The following KCNH1 variants were observed in gnomAD, a reference collection of about 807,000 sequenced individuals.
The protein encoded by KCNH1 is voltage-gated delayed rectifier potassium channel KCNH1.
A neutral mutation model predicts 69.2 loss-of-function variants in KCNH1; 27 were observed. The ratio of observed to expected loss-of-function variants is 0.39; its 90% confidence interval spans 0.29 to 0.54. The LOEUF is 0.54. Among genes scored for constraint, KCNH1 ranks in the 20% least tolerant of loss-of-function variants. KCNH1 has a pLI of 0.68. For missense variants in KCNH1, 798 were observed against 1,261.6 expected (o/e 0.63, Z 5.57); for synonymous variants, 456 against 487.7 (o/e 0.93, Z 0.86).
intron 5 of KCNH1, among the ~76,000 whole-genome samples, chr1:211,028,343 G>A (rs1571589859): frequency 6.6e-6 from 1 of 151,844 alleles, no homozygotes. Flanking sequence ...ATCACTAAAT[G>A]TTTACCTAAG....
rs111305580 is a variant in KCNH1 at position 211,047,854 on chromosome 1, G to A, written c.559-28598C>T. Among the ~76,000 whole-genome samples the A allele has an allele frequency of 1.9e-4, 29 of 150,430 alleles. No individual in the cohort carries two copies. In the South Asian group the frequency reaches 5.2e-3, roughly 27 times the overall value. Reference sequence around the variant, plus strand: ...CAGAATCTACAAGGAACTCAAATCCGCAAGGAAAAAAAAAATCCTATCAAA... The same window carrying A: ...CAGAATCTACAAGGAACTCAAATCCACAAGGAAAAAAAAAATCCTATCAAA... On this transcript the variant is annotated intron_variant, in intron 5 of 10. Transcript: ENST00000271751.
At chr1:210,873,766 A>G (rs115223083) in intron 7 of KCNH1, among the ~76,000 whole-genome samples, 4,416 of 152,340 alleles carry the variant, frequency 0.029, 101 homozygotes, top group Non-Finnish European at 0.049. Flanking sequence ...TACAGTCAAT[A>G]GTAAATAATC....
At chr1:211,010,057 G>C (rs574006899) in intron 6 of KCNH1, among the ~76,000 whole-genome samples, 2 of 152,278 alleles carry the variant, frequency 1.3e-5, no homozygotes, top group African/African-American at 4.8e-5. Context: ...AAAATTCAGG[G>C]GGAATTCCAC....
At chr1:210,860,942 T>C in intron 7 of KCNH1, 1 of 964,156 alleles carries the variant, frequency 1.0e-6, no homozygotes, top group East Asian at 2.4e-5. Flanking sequence ...TTACAGATCT[T>C]TTTCTTCAGA....
intron 6 of KCNH1, among the ~76,000 whole-genome samples, chr1:210,999,283 G>A (rs999072673): frequency 1.3e-5 from 2 of 151,988 alleles, no homozygotes; most frequent in African/African-American, 4.8e-5. Context: ...TAATAAAGAA[G>A]AAAAGGGAGA....
chr1:211,015,380 C>A (rs1689474706), intron 6 of KCNH1, among the ~76,000 whole-genome samples: 1 of 152,136 alleles, frequency 6.6e-6, no homozygotes, highest in African/African-American at 2.4e-5. Context: ...TATGTTATTC[C>A]ATCTTGAGTG....
intron 7 of KCNH1, among the ~76,000 whole-genome samples, chr1:210,847,690 C>T (rs1685590328): frequency 6.6e-6 from 1 of 151,498 alleles, no homozygotes; most frequent in African/African-American, 2.4e-5. Flanking sequence ...TGTAACAAAG[C>T]TGCACGTTGT....
At chr1:210,900,539 G>C (rs969207553) in intron 7 of KCNH1, among the ~76,000 whole-genome samples, 1 of 152,200 alleles carries the variant, frequency 6.6e-6, no homozygotes, top group Non-Finnish European at 1.5e-5. Flanking sequence ...AGCTTGTTTA[G>C]AGACTTTCTG....
chr1:211,013,162 A>G (rs114969985), intron 6 of KCNH1, among the ~76,000 whole-genome samples: 341 of 152,366 alleles, frequency 2.2e-3, no homozygotes, highest in African/African-American at 7.8e-3. Flanking sequence ...AACCACAGGT[A>G]AGGACTGACA....
chr1:211,120,229 C>G (rs1448937628), intron 1 of KCNH1, among the ~76,000 whole-genome samples: 2 of 150,014 alleles, frequency 1.3e-5, no homozygotes, highest in South Asian at 2.1e-4. Context: ...TGCTCTTGTC[C>G]CCCAGCATGG....
chr1:210,772,597 A>G (rs1454915629), intron 10 of KCNH1, among the ~76,000 whole-genome samples: 1 of 151,916 alleles, frequency 6.6e-6, no homozygotes, highest in Non-Finnish European at 1.5e-5. Flanking sequence ...AGACTCATAT[A>G]TAGTCACTTA....
intron 6 of KCNH1, among the ~76,000 whole-genome samples, chr1:210,988,171 T>C (rs962869194): frequency 1.8e-4 from 27 of 152,184 alleles, no homozygotes. Context: ...ATTTTCCAGG[T>C]GCCGTCTGTC....
chr1:210,916,724 T>C (rs1574336693), intron 7 of KCNH1, among the ~76,000 whole-genome samples: 1 of 152,156 alleles, frequency 6.6e-6, no homozygotes, highest in Admixed American at 6.5e-5. Flanking sequence ...AAATTGTGTG[T>C]AGAGTATTTG....
intron 6 of KCNH1, among the ~76,000 whole-genome samples, chr1:210,975,749 T>C (rs1028676969): frequency 1.3e-5 from 2 of 151,970 alleles, no homozygotes; most frequent in Non-Finnish European, 2.9e-5. Context: ...AATTGACAAA[T>C]GGGATCTAAT....
intron 7 of KCNH1, among the ~76,000 whole-genome samples, chr1:210,909,816 G>A (rs529288470): frequency 8.5e-5 from 13 of 152,208 alleles, no homozygotes; most frequent in Admixed American, 6.5e-5. Flanking sequence ...CTGTCCAGGA[G>A]AAGGGGGCAG....
intron 6 of KCNH1, among the ~76,000 whole-genome samples, chr1:210,982,955 C>T (rs139410413): frequency 0.027 from 4,034 of 152,166 alleles, 99 homozygotes; most frequent in South Asian, 0.061. Context: ...TTTTAATGAT[C>T]GCCATTCTAA....
At chr1:210,814,962 T>C (rs1386708527) in intron 7 of KCNH1, among the ~76,000 whole-genome samples, 1 of 152,200 alleles carries the variant, frequency 6.6e-6, no homozygotes, top group Non-Finnish European at 1.5e-5. Context: ...ATGCATTCAA[T>C]TTGTTAATGC....
chr1:211,036,460 G>C (rs1346971709), intron 5 of KCNH1, among the ~76,000 whole-genome samples: 2 of 152,168 alleles, frequency 1.3e-5, no homozygotes, highest in African/African-American at 4.8e-5. Flanking sequence ...AATTGGGCAA[G>C]TTTCACCATG....
intron 7 of KCNH1, among the ~76,000 whole-genome samples, chr1:210,876,721 T>C (rs1365907678): frequency 6.6e-6 from 1 of 152,144 alleles, no homozygotes; most frequent in East Asian, 1.9e-4. Flanking sequence ...GTGCAATCCC[T>C]GTTCCTTCAA....
Sources: allele counts gnomAD v4.1 joint callset (sites outside exome capture counted in the v4.1 genomes callset), GRCh38; gene constraint gnomAD v4.1.1; transcripts MANE v1.5; gene names NCBI Gene and HGNC (gene_info 2026-07-23, HGNC 2026-07-21).